DAPK1: variants seen among roughly 807,000 people sequenced by gnomAD.
DAPK1 encodes the protein death associated protein kinase 1, also known as death-associated protein kinase 1.
Under a neutral mutation model 144.9 loss-of-function variants are expected in DAPK1, and 56 were observed. The ratio of observed to expected loss-of-function variants is 0.39; its 90% CI spans 0.31 to 0.48. The LOEUF (loss-of-function observed/expected upper bound fraction) is 0.48, where lower values mean the gene tolerates loss of function less well. DAPK1 is among the 20% of genes least tolerant of loss of function. DAPK1 has a pLI of 0.95. For synonymous variants in DAPK1, 690 were observed against 749.0 expected (o/e 0.92, Z 1.29); for missense variants, 1,454 against 1,875.4 (o/e 0.78, Z 4.15).
At chr9:87,691,723 A>G (rs1587848503) in intron 21 of DAPK1, among the ~76,000 whole-genome samples, 1 of 151,906 alleles carries the variant, frequency 6.6e-6, no homozygotes, top group East Asian at 1.9e-4. Context: ...TTTCTCCCCT[A>G]ATTTCTTTCT....
At chr9:87,529,034 C>A (rs1211290946) in intron 2 of DAPK1, among the ~76,000 whole-genome samples, 1 of 152,136 alleles carries the variant, frequency 6.6e-6, no homozygotes, top group Non-Finnish European at 1.5e-5. Context: ...TGTGTGTGCT[C>A]ACCTCCCAGG....
chr9:87,700,776 C>T (rs1825431529), intron 24 of DAPK1, among the ~76,000 whole-genome samples: 1 of 152,134 alleles, frequency 6.6e-6, no homozygotes, highest in Non-Finnish European at 1.5e-5. Flanking sequence ...GCTGAGATTA[C>T]AGGTGTGAGC....
chr9:87,703,230 G>A lies in DAPK1; in HGVS notation c.3060+13G>A, dbSNP rs778922091. ...CAGCACAGGCGAGGTGAGCCCCTGGGAGCCCAGGCAGGGGGCCGTGAGAGG... is the reference window on the plus strand; with the variant it reads ...CAGCACAGGCGAGGTGAGCCCCTGGAAGCCCAGGCAGGGGGCCGTGAGAGG... On this transcript the variant is annotated intron_variant, in intron 25 of 25. Transcript: ENST00000408954. The A allele has an allele frequency of 1.9e-6, 3 of 1,571,414 alleles. No homozygotes were observed. The highest frequency in any genetic ancestry group is 4.5e-5 in the East Asian group (2 of 44,530).
At chr9:87,640,744 AC>A in intron 8 of DAPK1, 57 bp from the exon 9 acceptor site, 4 of 1,573,882 alleles carry the variant, frequency 2.5e-6, no homozygotes, top group African/African-American at 1.3e-5. Context: ...CATGAAAACA[AC>A]CTTAGTATTT....
Position 87,706,761 on chromosome 9 carries a change from C to T in DAPK1, c.3690C>T (p.Leu1230=), listed in dbSNP as rs1181615385. The change falls in exon 26 of 26, where the codon CTC becomes CTT. Residue 1230 remains leucine (L), a synonymous_variant. Transcript: ENST00000408954. The surrounding 1 kb of genome is among the most constrained non-coding windows in gnomAD (Gnocchi z 9.0). ...ENVMATTLPG[L]LTVKHYLSPQ... is the part of the protein sequence containing the mutation. ...TCATGGCCACCACGCTGCCAGGGCTCCTGACCGTGAAGCATTACCTGAGCC... is the reference window on the plus strand; with the variant it reads ...TCATGGCCACCACGCTGCCAGGGCTTCTGACCGTGAAGCATTACCTGAGCC... The T allele has an allele frequency of 2.5e-6, 4 of 1,613,438 alleles. No individual in the cohort carries two copies. Among genetic ancestry groups the T allele is most frequent in the African/African-American group, 2.7e-5 (2 of 74,918 alleles).
intron 18 of DAPK1, among the ~76,000 whole-genome samples, chr9:87,664,322 C>T (rs1284528350): frequency 6.6e-6 from 1 of 152,184 alleles, no homozygotes; most frequent in East Asian, 1.9e-4. Context: ...ACCCCCTGCG[C>T]ATAGTGTGCC....
chr9:87,550,754 ATG>A (rs1226946192), intron 2 of DAPK1, among the ~76,000 whole-genome samples: 218 of 152,352 alleles, frequency 1.4e-3, no homozygotes, highest in African/African-American at 4.4e-3. Flanking sequence ...GGGTTGTTTT[ATG>A]TACCAGTGGT....
chr9:87,689,274 A>G (rs1824971094), intron 21 of DAPK1, among the ~76,000 whole-genome samples: 1 of 151,922 alleles, frequency 6.6e-6, no homozygotes, highest in Admixed American at 6.6e-5. Context: ...TGGGTTATCT[A>G]TTCTGTTCCA....
intron 2 of DAPK1, among the ~76,000 whole-genome samples, chr9:87,571,429 A>AC (rs1441349802): frequency 1.1e-5 from 1 of 93,462 alleles, no homozygotes; most frequent in African/African-American, 4.4e-5. Flanking sequence ...CCCATCCCCC[A>AC]CCCCCCAACA....
intron 2 of DAPK1, among the ~76,000 whole-genome samples, chr9:87,600,027 A>G (rs114403637): frequency 5.6e-4 from 85 of 152,336 alleles, no homozygotes; most frequent in African/African-American, 2.0e-3. Flanking sequence ...TGTTGTGCTT[A>G]GAAACACTAG....
chr9:87,630,893 A>T (rs2119091224), intron 3 of DAPK1, among the ~76,000 whole-genome samples: 1 of 152,264 alleles, frequency 6.6e-6, no homozygotes, highest in South Asian at 2.1e-4. Context: ...CATTAAAAAG[A>T]TTTCCCAAAT....
intron 11 of DAPK1, among the ~76,000 whole-genome samples, chr9:87,644,596 C>A (rs965850776): frequency 6.6e-6 from 1 of 151,712 alleles, no homozygotes; most frequent in Non-Finnish European, 1.5e-5. Flanking sequence ...GAAGAGGAGG[C>A]TTTGTTTGGG....
chr9:87,520,710 C>G (rs1400809786), intron 2 of DAPK1, among the ~76,000 whole-genome samples: 2 of 152,150 alleles, frequency 1.3e-5, no homozygotes, highest in African/African-American at 4.8e-5. Flanking sequence ...AGAAGTTAAG[C>G]TTGAGGCAGC....
At chr9:87,625,110 C>G in intron 3 of DAPK1, among the ~76,000 whole-genome samples, 1 of 151,982 alleles carries the variant, frequency 6.6e-6, no homozygotes, top group South Asian at 2.1e-4. Flanking sequence ...CAGAGTTGAA[C>G]AGATGCAAGA....
rs143859387 is a variant in DAPK1, at chr9:87,682,230, T to G, written c.2224+604T>G. ...TCACATCCACCCTCCTTGGGAACGT[T>G]TGCTGCCTTCCGGGCCTTCCACAGA... On this transcript the variant is annotated intron_variant, in intron 20 of 25. Coordinates refer to ENST00000408954, the MANE Select transcript of DAPK1 (RefSeq NM_004938.4). 2.5e-3 allele frequency among the ~76,000 whole-genome samples: 384 copies of G among 152,326 alleles called. 4 individuals are homozygous for G. Among genetic ancestry groups the G allele is most frequent in the Non-Finnish European group, 3.8e-3 (260 of 68,022 alleles).
intron 24 of DAPK1, 141 bp downstream of exon 24, chr9:87,700,378 AAAGG>A (rs1825418975): frequency 1.5e-6 from 1 of 651,926 alleles, no homozygotes; most frequent in African/African-American, 1.8e-5. Flanking sequence ...CTGGGAAAAG[AAAGG>A]AAGAATAGAG....
chr9:87,627,798 AC>A (rs2119075258), intron 3 of DAPK1, among the ~76,000 whole-genome samples: 1 of 152,322 alleles, frequency 6.6e-6, no homozygotes, highest in Non-Finnish European at 1.5e-5. Context: ...AGAGGCACTC[AC>A]AGAAGCTTCA....
chr9:87,555,199 C>T (rs1273512125), intron 2 of DAPK1, among the ~76,000 whole-genome samples: 1 of 152,204 alleles, frequency 6.6e-6, no homozygotes, highest in African/African-American at 2.4e-5. Flanking sequence ...ACCTCATGGT[C>T]CCAGAAAACC....
chr9:87,553,905 C>T (rs867236600), intron 2 of DAPK1: 4 of 152,150 alleles, frequency 2.6e-5, no homozygotes, highest in African/African-American at 2.4e-5. Context: ...GAGAACATTC[C>T]CAGTCTGCCT....
Sources: gnomAD v4.1 joint callset for allele counts (sites outside exome capture counted in the v4.1 genomes callset) on GRCh38, gnomAD v4.1.1 for gene constraint, Gnocchi (gnomAD v3.1) non-coding constraint, MANE v1.5 for transcripts, NCBI Gene and HGNC (gene_info 2026-07-23, HGNC 2026-07-21) for gene names.